Variants in COL19A1 observed in about 807,000 individuals in gnomAD.
COL19A1 encodes the protein collagen alpha-1(XIX) chain.
COL19A1 carries 159 observed loss-of-function variants against 190.2 expected under a neutral mutation model. That is an observed-to-expected ratio of 0.84 (90% CI 0.73 to 0.95). The LOEUF (loss-of-function observed/expected upper bound fraction) is 0.95. Ranked by LOEUF, COL19A1 falls within the 40% of genes least tolerant of loss-of-function variation. The pLI is 0.00. For missense variants in COL19A1, 1,418 were observed against 1,431.9 expected (o/e 0.99, Z 0.16); for synonymous variants, 509 against 458.9 (o/e 1.11, Z -1.39).
At chr6:70,111,592 A>G (rs1431886783) in intron 16 of COL19A1, among the ~76,000 whole-genome samples, 3 of 152,218 alleles carry the variant, frequency 2.0e-5, no homozygotes, top group Non-Finnish European at 4.4e-5. Flanking sequence ...GATTAGTAAC[A>G]GTTAATATCA....
At chr6:69,907,381 C>T (rs547425965) in intron 4 of COL19A1, among the ~76,000 whole-genome samples, 9 of 152,188 alleles carry the variant, frequency 5.9e-5, no homozygotes, top group Middle Eastern at 6.8e-3. Flanking sequence ...CCACCCGCCT[C>T]GGCCCCCCAA....
intron 9 of COL19A1, among the ~76,000 whole-genome samples, chr6:69,957,777 A>G (rs144623163): frequency 6.6e-6 from 1 of 152,294 alleles, no homozygotes; most frequent in African/African-American, 2.4e-5. Context: ...TATTTATTTT[A>G]TGAATAGAAT....
chr6:69,982,286 G>A (rs1346093848), intron 11 of COL19A1, among the ~76,000 whole-genome samples: 1 of 151,894 alleles, frequency 6.6e-6, no homozygotes, highest in Non-Finnish European at 1.5e-5. Flanking sequence ...CTGTCTCCCA[G>A]GCTGGAGTGC....
chr6:70,005,973 G>A (rs1273156222), intron 11 of COL19A1, among the ~76,000 whole-genome samples: 2 of 152,118 alleles, frequency 1.3e-5, no homozygotes, highest in Non-Finnish European at 2.9e-5. Flanking sequence ...AGGCTTTGGG[G>A]GATACCTATT....
chr6:69,899,128 C>A (rs1463170513), intron 3 of COL19A1, 106 bp downstream of exon 3: 12 of 674,932 alleles, frequency 1.8e-5, no homozygotes, highest in East Asian at 2.7e-5. Flanking sequence ...AATTTAAGAT[C>A]ATAGCATTAA....
chr6:70,019,368 T>C (rs780233554), intron 11 of COL19A1, among the ~76,000 whole-genome samples: 1 of 152,106 alleles, frequency 6.6e-6, no homozygotes, highest in African/African-American at 2.4e-5. Flanking sequence ...CTATTATCTA[T>C]TGAAAGATTA....
intron 14 of COL19A1, among the ~76,000 whole-genome samples, chr6:70,065,864 A>G (rs932582346): frequency 3.3e-5 from 5 of 152,252 alleles, no homozygotes; most frequent in Non-Finnish European, 7.3e-5. Flanking sequence ...AAAAATGCTC[A>G]TCATCACTGG....
intron 1 of COL19A1, among the ~76,000 whole-genome samples, chr6:69,878,483 G>A (rs1768285292): frequency 6.6e-6 from 1 of 152,012 alleles, no homozygotes; most frequent in Non-Finnish European, 1.5e-5. Context: ...AAAGTGCTGG[G>A]ATTACAGGCA....
chr6:69,925,093 G>C (rs1042133998), intron 4 of COL19A1, among the ~76,000 whole-genome samples: 13 of 152,144 alleles, frequency 8.5e-5, no homozygotes, highest in Admixed American at 6.6e-4. Context: ...AGTTTAATTA[G>C]ATCCCATTTG....
At chr6:70,032,824 G>T (rs1030467367) in intron 12 of COL19A1, among the ~76,000 whole-genome samples, 1 of 152,056 alleles carries the variant, frequency 6.6e-6, no homozygotes, top group Non-Finnish European at 1.5e-5. Context: ...ATAAGTGAAA[G>T]AACAAATGAA....
At chr6:69,931,534 TAAA>T (rs1240143499) in intron 6 of COL19A1, among the ~76,000 whole-genome samples, 1 of 152,130 alleles carries the variant, frequency 6.6e-6, no homozygotes, top group African/African-American at 2.4e-5. Context: ...ACAGTGATAA[TAAA>T]AAAGTTTAGT....
intron 1 of COL19A1, among the ~76,000 whole-genome samples, chr6:69,868,883 T>C (rs188665011): frequency 6.6e-6 from 1 of 152,252 alleles, no homozygotes; most frequent in African/African-American, 2.4e-5. Context: ...GAGTCAATGG[T>C]TCTAGAGGCG....
intron 16 of COL19A1, among the ~76,000 whole-genome samples, chr6:70,119,648 G>T (rs1270996603): frequency 1.3e-5 from 2 of 152,106 alleles, no homozygotes; most frequent in African/African-American, 4.8e-5. Flanking sequence ...ACTTACCAGT[G>T]GTGTGACCTT....
At chr6:70,005,107 C>T (rs1028618303) in intron 11 of COL19A1, among the ~76,000 whole-genome samples, 6 of 152,138 alleles carry the variant, frequency 3.9e-5, no homozygotes, top group Non-Finnish European at 8.8e-5. Flanking sequence ...GCTGGGATTA[C>T]AGCATACTTT....
chr6:69,962,822 A>G lies in COL19A1; in HGVS notation c.982-4A>G. 6.2e-7 allele frequency: 1 copy of G among 1,604,450 alleles called. No homozygotes were observed. Among genetic ancestry groups the G allele is most frequent in the East Asian group, 2.2e-5 (1 of 44,550 alleles). The stretch of plus-strand genomic sequence containing the variant: ...ACTATACACATCATATTCCTCTTCT[A>G]CAGGGAGAGCAAGGTTTTGAAGGCA... On this transcript the variant is annotated splice_polypyrimidine_tract_variant and splice_region_variant and intron_variant, in intron 10 of 50. Transcript: ENST00000620364.
chr6:69,898,750 T>G (rs993790445), intron 2 of COL19A1, among the ~76,000 whole-genome samples, 198 bp from the exon 3 acceptor site: 2 of 152,206 alleles, frequency 1.3e-5, no homozygotes, highest in Non-Finnish European at 2.9e-5. Flanking sequence ...AACCAAGCAG[T>G]GTTCTTAGCA....
chr6:70,115,220 G>A (rs1274242359), intron 16 of COL19A1, among the ~76,000 whole-genome samples: 2 of 152,100 alleles, frequency 1.3e-5, no homozygotes, highest in African/African-American at 4.8e-5. Context: ...CCTTGCTCTT[G>A]GGAAATATGT....
chr6:70,168,141 T>TTTTTC, intron 38 of COL19A1, 30 bp from the exon 39 acceptor site: 1 of 1,611,722 alleles, frequency 6.2e-7, no homozygotes, highest in Non-Finnish European at 8.5e-7. Context: ...CATCTTTCTC[T>TTTTTC]TTTTCTTTTC....
intron 4 of COL19A1, among the ~76,000 whole-genome samples, chr6:69,920,449 C>T (rs576971929): frequency 2.8e-4 from 42 of 152,086 alleles, no homozygotes; most frequent in Admixed American, 1.1e-3. Context: ...TTAAAGGAAT[C>T]CAAGATATAT....
Sources: allele counts gnomAD v4.1 joint callset (sites outside exome capture counted in the v4.1 genomes callset), GRCh38; gene constraint gnomAD v4.1.1; transcripts MANE v1.5; gene names NCBI Gene and HGNC (gene_info 2026-07-23, HGNC 2026-07-21).